Variants in SYNPO2 observed in about 807,000 individuals in gnomAD.
SYNPO2 encodes the protein synaptopodin 2, also known as synaptopodin-2.
Under a neutral mutation model 85.0 loss-of-function variants are expected in SYNPO2, and 56 were observed. The ratio of observed to expected loss-of-function variants is 0.66; its 90% CI spans 0.53 to 0.82. The LOEUF (loss-of-function observed/expected upper bound fraction) is 0.82. Among genes scored for constraint, SYNPO2 ranks in the 40% least tolerant of loss-of-function variants. The pLI, the probability that SYNPO2 is intolerant of heterozygous loss-of-function variation, is 0.00. For synonymous variants in SYNPO2, 602 were observed against 591.1 expected (o/e 1.02, Z -0.27); for missense variants, 1,575 against 1,534.2 (o/e 1.03, Z -0.44).
intron 4 of SYNPO2, among the ~76,000 whole-genome samples, chr4:119,047,859 T>C (rs959508521): frequency 7.2e-5 from 11 of 152,252 alleles, no homozygotes; most frequent in Non-Finnish European, 1.3e-4. Flanking sequence ...GGCTGCCATT[T>C]CCTAACACGT....
At chr4:119,033,852 A>G (rs946890947) in intron 4 of SYNPO2, 2 of 984,996 alleles carry the variant, frequency 2.0e-6, no homozygotes, top group African/African-American at 1.7e-5. Context: ...TAGCATATCT[A>G]TTTCTCCATA....
chr4:118,895,804 T>C (rs879274847), intron 1 of SYNPO2, among the ~76,000 whole-genome samples: 2 of 152,230 alleles, frequency 1.3e-5, no homozygotes, highest in Non-Finnish European at 2.9e-5. Flanking sequence ...TTTGCATATT[T>C]TTCATAGCAA....
chr4:119,008,977 T>C (rs1046988879), intron 1 of SYNPO2, among the ~76,000 whole-genome samples: 1 of 152,210 alleles, frequency 6.6e-6, no homozygotes, highest in Non-Finnish European at 1.5e-5. Flanking sequence ...AATTTCATCA[T>C]ATTTGGTTTC....
At chr4:118,863,597 A>G (rs1196471921) in intron 1 of SYNPO2, among the ~76,000 whole-genome samples, 2 of 151,758 alleles carry the variant, frequency 1.3e-5, no homozygotes, top group African/African-American at 2.4e-5. Flanking sequence ...TTTTCAAAAA[A>G]TCAACTTTTT....
At chr4:119,039,803 A>C (rs1386949578) in intron 4 of SYNPO2, among the ~76,000 whole-genome samples, 1 of 152,064 alleles carries the variant, frequency 6.6e-6, no homozygotes, top group East Asian at 1.9e-4. Context: ...ATTAAAAAGA[A>C]GACAAGACTT....
rs1359302042 is a variant in SYNPO2, at chr4:119,031,143, C to T, written c.2368C>T (p.Pro790Ser). ...WSPGVAPTQP[P>S]AFPTSNPSKG... ...TCCAGGAGTGGCTCCCACCCAACCT[C>T]CTGCCTTCCCCACATCCAACCCATC... The change falls in exon 4 of 5, where the codon CCT (proline) becomes TCT (serine). Residue 790 changes from proline (P) to serine (S), a missense_variant. By Grantham distance (74) the Pro-to-Ser change is moderately conservative. Around this residue, in one of 3 missense-constraint regions of SYNPO2, gnomAD observed 1,508 missense variants for 1,446.8 expected, o/e 1.04. Coordinates refer to ENST00000307142, the MANE Select transcript of SYNPO2 (RefSeq NM_133477.3). The T allele has an allele frequency of 3.1e-6, 5 of 1,614,080 alleles. No individual in the cohort carries two copies. Among genetic ancestry groups the T allele is most frequent in the Middle Eastern group, 1.6e-4 (1 of 6,084 alleles).
rs1738214443 is a variant in SYNPO2, at chr4:119,030,904, T to C, written c.2129T>C (p.Leu710Pro). ...KEPKVSPNPE[L>P]LSLLQNSEGK... is the part of the protein sequence containing the mutation. ...CCCAAAGTAAGCCCAAATCCTGAACTCTTGTCACTCCTTCAAAATTCAGAA... is the reference window on the plus strand; with the variant it reads ...CCCAAAGTAAGCCCAAATCCTGAACCCTTGTCACTCCTTCAAAATTCAGAA... The change falls in exon 4 of 5, where the codon CTC (leucine) becomes CCC (proline). Residue 710 changes from leucine to proline, a missense_variant. Physicochemically the swap from Leu to Pro is moderately conservative, Grantham distance 98. This residue lies in a region of SYNPO2 where 1,508 missense variants were observed against 1,446.8 expected (regional missense o/e 1.04). Coordinates refer to ENST00000307142, the MANE Select transcript of SYNPO2 (RefSeq NM_133477.3). The C allele has an allele frequency of 1.2e-6, 2 of 1,614,094 alleles. No homozygotes were observed. Among genetic ancestry groups the C allele is most frequent in the Non-Finnish European group, 1.7e-6 (2 of 1,180,024 alleles).
chr4:119,022,543 A>G (rs974734546), intron 1 of SYNPO2, among the ~76,000 whole-genome samples: 1 of 109,408 alleles, frequency 9.1e-6, no homozygotes, highest in African/African-American at 3.6e-5. Flanking sequence ...TTTTTTAGAG[A>G]CAGGGTCTTA....
intron 1 of SYNPO2, among the ~76,000 whole-genome samples, chr4:118,872,296 A>G (rs1034870417): frequency 2.4e-4 from 37 of 152,150 alleles, no homozygotes; most frequent in African/African-American, 8.9e-4. Context: ...AATCAACTTC[A>G]ACTTAAAGCA....
Position 119,057,973 on chromosome 4 carries a change from TAA to T in SYNPO2, c.*46_*47del, listed in dbSNP as rs61064985. On this transcript the variant is annotated 3_prime_UTR_variant, in exon 5 of 5. Coordinates refer to ENST00000307142, the MANE Select transcript of SYNPO2 (RefSeq NM_133477.3). Reference sequence around the variant, plus strand: ...GGATCATGTGCCAACTGTAGTTTTTTAAAAAAAACGCTCCTTTGTAGGGTTTT... The same window carrying T: ...GGATCATGTGCCAACTGTAGTTTTTTAAAAAACGCTCCTTTGTAGGGTTTT... The T allele has an allele frequency of 1.9e-6, 3 of 1,556,198 alleles. No homozygotes were observed. The highest frequency in any genetic ancestry group is 1.4e-5 in the African/African-American group (1 of 72,036).
At chr4:118,969,531 G>A (rs1735454921) in intron 1 of SYNPO2, among the ~76,000 whole-genome samples, 1 of 152,184 alleles carries the variant, frequency 6.6e-6, no homozygotes, top group South Asian at 2.1e-4. Context: ...CATTGGAGAA[G>A]GCCAACTTTT....
intron 1 of SYNPO2, among the ~76,000 whole-genome samples, chr4:118,881,332 G>A (rs1320445933): frequency 1.3e-5 from 2 of 151,766 alleles, no homozygotes; most frequent in African/African-American, 4.8e-5. Flanking sequence ...AGAAGAAGAG[G>A]TTAAGATATA....
rs1281402849 is a variant in SYNPO2, at chr4:119,031,592, G to A, written c.2817G>A (p.Lys939=). 6.2e-7 allele frequency: 1 copy of A among 1,614,098 alleles called. No homozygotes were observed. Among genetic ancestry groups the A allele is most frequent in the Non-Finnish European group, 8.5e-7 (1 of 1,180,016 alleles). Residue 939 remains lysine, a synonymous_variant, in exon 4 of 5, where the codon AAG becomes AAA. Coordinates refer to ENST00000307142, the MANE Select transcript of SYNPO2 (RefSeq NM_133477.3). ...HSPSYPLAAL[K]SQPSAAQPSK... Reference sequence around the variant, plus strand: ...CGTCTTACCCACTGGCTGCTCTCAAGTCTCAGCCATCAGCTGCACAGCCCT... The same window carrying A: ...CGTCTTACCCACTGGCTGCTCTCAAATCTCAGCCATCAGCTGCACAGCCCT...
chr4:119,012,597 G>T (rs962037009), intron 1 of SYNPO2, among the ~76,000 whole-genome samples: 2 of 151,852 alleles, frequency 1.3e-5, no homozygotes, highest in African/African-American at 4.8e-5. Flanking sequence ...CCCCTCCTGT[G>T]TCCATGTGTT....
At chr4:119,043,050 T>TTTGG (rs58799629) in intron 4 of SYNPO2, 119,671 of 152,294 alleles carry the variant, frequency 0.79, 47,096 homozygotes, top group Admixed American at 0.82. Context: ...ATTTTGTTTG[T>TTTGG]TTGGTTGGTT....
At chr4:118,933,078 C>G (rs1733985327) in intron 1 of SYNPO2, among the ~76,000 whole-genome samples, 1 of 152,038 alleles carries the variant, frequency 6.6e-6, no homozygotes, top group Non-Finnish European at 1.5e-5. Flanking sequence ...TATTTTATGT[C>G]AATGATGAAA....
In SYNPO2 at chr4:119,030,110, G is replaced by C; in HGVS notation, c.1335G>C (p.Val445=). 6.2e-7 allele frequency: 1 copy of C among 1,614,112 alleles called. No individual in the cohort carries two copies. The highest frequency in any genetic ancestry group is 1.1e-5 in the South Asian group (1 of 91,062). ...VAFLGASESE[V]DEELLSDVDD... ...TTCTTGGTGCAAGCGAATCAGAGGT[G>C]GATGAAGAGTTATTGTCTGACGTTG... The change falls in exon 4 of 5, where the codon GTG becomes GTC. Residue 445 remains valine (V), a synonymous_variant. Coordinates refer to ENST00000307142, the MANE Select transcript of SYNPO2 (RefSeq NM_133477.3).
intron 4 of SYNPO2, among the ~76,000 whole-genome samples, chr4:119,045,939 C>T (rs952586751): frequency 6.6e-6 from 1 of 152,158 alleles, no homozygotes; most frequent in Non-Finnish European, 1.5e-5. Flanking sequence ...AGAGTTAATG[C>T]CTTAACATAC....
intron 4 of SYNPO2, among the ~76,000 whole-genome samples, chr4:119,055,930 A>G (rs2149202097): frequency 6.6e-6 from 1 of 152,262 alleles, no homozygotes; most frequent in East Asian, 1.9e-4. Flanking sequence ...TTTGAATCTG[A>G]GATATTTTGC....
Sources: gnomAD v4.1 joint callset for allele counts (sites outside exome capture counted in the v4.1 genomes callset) on GRCh38, gnomAD v4.1.1 for gene constraint, gnomAD v4.1.1 regional missense constraint, MANE v1.5 for transcripts, NCBI Gene and HGNC (gene_info 2026-07-23, HGNC 2026-07-21) for gene names.